KCNIP4: variants seen among roughly 807,000 people sequenced by gnomAD.
The protein encoded by KCNIP4 is potassium voltage-gated channel interacting protein 4.
Under a neutral mutation model 34.0 loss-of-function variants are expected in KCNIP4, and 12 were observed. That is an observed-to-expected ratio of 0.35 (90% CI 0.23 to 0.57). The LOEUF (loss-of-function observed/expected upper bound fraction) is 0.57, where lower values mean the gene tolerates loss of function less well. Among genes scored for constraint, KCNIP4 ranks in the 20% least tolerant of loss-of-function variants. The probability of loss-of-function intolerance (pLI) is 0.83; values close to 1 mark genes in which losing one functional copy is unlikely to be tolerated. For synonymous variants in KCNIP4, 124 were observed against 102.2 expected (o/e 1.21, Z -1.29); for missense variants, 238 against 311.7 (o/e 0.76, Z 1.78).
intron 1 of KCNIP4, among the ~76,000 whole-genome samples, chr4:21,391,387 C>T (rs2109515767): frequency 6.6e-6 from 1 of 152,246 alleles, no homozygotes; most frequent in East Asian, 1.9e-4. Context: ...GTTCAGCTAA[C>T]ATGGAAACCC....
intron 1 of KCNIP4, among the ~76,000 whole-genome samples, chr4:21,906,003 C>G (rs895888200): frequency 6.6e-6 from 1 of 152,100 alleles, no homozygotes; most frequent in Non-Finnish European, 1.5e-5. Context: ...CCACTCACTC[C>G]CAGTCAAATC....
At chr4:21,868,973 G>C (rs538159335) in intron 1 of KCNIP4, among the ~76,000 whole-genome samples, 1 of 152,310 alleles carries the variant, frequency 6.6e-6, no homozygotes, top group African/African-American at 2.4e-5. Flanking sequence ...ACCAGTAGAA[G>C]TTCCAAAATA....
intron 1 of KCNIP4, among the ~76,000 whole-genome samples, chr4:21,167,547 T>C (rs1056164961): frequency 1.3e-5 from 2 of 152,312 alleles, no homozygotes; most frequent in Admixed American, 6.5e-5. Context: ...ACATTTAACT[T>C]AAAAATTGTA....
chr4:20,730,242 A>C (rs543722560), intron 8 of KCNIP4, 113 bp from the exon 9 acceptor site: 1 of 1,313,536 alleles, frequency 7.6e-7, no homozygotes, highest in African/African-American at 1.5e-5. Flanking sequence ...ACCTATGCCA[A>C]AAGCTCAAAT....
intron 3 of KCNIP4, among the ~76,000 whole-genome samples, chr4:20,818,172 T>C (rs1192421379): frequency 1.3e-5 from 2 of 152,126 alleles, no homozygotes; most frequent in African/African-American, 4.8e-5. Context: ...AGATAGGAAA[T>C]TTGAGGTTCA....
chr4:21,472,417 T>C (rs973112755), intron 1 of KCNIP4, among the ~76,000 whole-genome samples: 3 of 152,144 alleles, frequency 2.0e-5, no homozygotes, highest in Admixed American at 2.0e-4. Flanking sequence ...ACCAATTTCA[T>C]TATGTTAATT....
chr4:21,520,657 C>A (rs752492851), intron 1 of KCNIP4, among the ~76,000 whole-genome samples: 3 of 152,122 alleles, frequency 2.0e-5, no homozygotes, highest in Non-Finnish European at 2.9e-5. Context: ...TATGAAGAAG[C>A]CCACAGAGGA....
At chr4:21,515,809 C>T (rs1473622419) in intron 1 of KCNIP4, among the ~76,000 whole-genome samples, 1 of 152,154 alleles carries the variant, frequency 6.6e-6, no homozygotes, top group African/African-American at 2.4e-5. Flanking sequence ...TCTGCTCTTC[C>T]ACCATGGGAT....
At chr4:21,429,083 A>G (rs1180793553) in intron 1 of KCNIP4, among the ~76,000 whole-genome samples, 1 of 152,204 alleles carries the variant, frequency 6.6e-6, no homozygotes, top group Non-Finnish European at 1.5e-5. Context: ...CTATTATAGT[A>G]TCATACAAAA....
At chr4:21,142,626 G>C (rs1454769165) in intron 1 of KCNIP4, among the ~76,000 whole-genome samples, 2 of 152,140 alleles carry the variant, frequency 1.3e-5, no homozygotes, top group Non-Finnish European at 2.9e-5. Flanking sequence ...TCTGAGGTCA[G>C]AGTTGCTATC....
At chr4:20,964,035 G>T (rs1194926647) in intron 1 of KCNIP4, among the ~76,000 whole-genome samples, 1 of 152,120 alleles carries the variant, frequency 6.6e-6, no homozygotes, top group East Asian at 1.9e-4. Flanking sequence ...TATAAAAATT[G>T]CTGAATATCA....
intron 6 of KCNIP4, 141 bp from the exon 7 acceptor site, chr4:20,732,926 G>A: frequency 1.7e-6 from 1 of 581,886 alleles, no homozygotes; most frequent in Non-Finnish European, 3.0e-6. Context: ...ACTGTTGGTT[G>A]TCCCAAAGGA....
chr4:21,017,935 A>G (rs999339915), intron 1 of KCNIP4, among the ~76,000 whole-genome samples: 9 of 152,196 alleles, frequency 5.9e-5, no homozygotes, highest in African/African-American at 2.2e-4. Context: ...CATTTCTCCA[A>G]TGATCAGTGC....
intron 1 of KCNIP4, among the ~76,000 whole-genome samples, chr4:20,911,284 A>G (rs1308060827): frequency 6.6e-6 from 1 of 152,216 alleles, no homozygotes; most frequent in African/African-American, 2.4e-5. Context: ...TTATTCAATA[A>G]GTGCCCAGTT....
chr4:21,797,021 T>C (rs1270041438), intron 1 of KCNIP4, among the ~76,000 whole-genome samples: 2 of 152,238 alleles, frequency 1.3e-5, no homozygotes, highest in Non-Finnish European at 2.9e-5. Flanking sequence ...TTTTGGTTTG[T>C]ATTTTCTACC....
chr4:21,408,140 C>A lies in KCNIP4; in HGVS notation c.62-525431G>T, dbSNP rs376059325. 2.6e-5 allele frequency among the ~76,000 whole-genome samples: 4 copies of A among 152,246 alleles called. No individual in the cohort carries two copies. In the East Asian group the frequency reaches 5.8e-4, roughly 22 times the overall value. ...TGGTCCATTTCAAAATCTTGTGCAA[C>A]TTTTTATATGTATTTTTAAACCAAA... On this transcript the variant is annotated intron_variant, in intron 1 of 8. Coordinates refer to ENST00000382152, the MANE Select transcript of KCNIP4 (RefSeq NM_025221.6).
At chr4:21,941,051 T>G (rs1730177176) in intron 1 of KCNIP4, among the ~76,000 whole-genome samples, 1 of 152,162 alleles carries the variant, frequency 6.6e-6, no homozygotes, top group African/African-American at 2.4e-5. Context: ...TAGTTTCTCA[T>G]GCTATCATAA....
At chr4:21,624,802 T>G (rs904791546) in intron 1 of KCNIP4, among the ~76,000 whole-genome samples, 1 of 152,160 alleles carries the variant, frequency 6.6e-6, no homozygotes, top group African/African-American at 2.4e-5. Flanking sequence ...ATGCCAACTT[T>G]CTATTTCACT....
chr4:21,002,813 T>C (rs147942061), intron 1 of KCNIP4, among the ~76,000 whole-genome samples: 50 of 152,312 alleles, frequency 3.3e-4, no homozygotes, highest in Middle Eastern at 3.4e-3. Context: ...GGAACATCAA[T>C]TGACAGAGAA....
Sources: allele counts gnomAD v4.1 joint callset (sites outside exome capture counted in the v4.1 genomes callset), GRCh38; gene constraint gnomAD v4.1.1; transcripts MANE v1.5; gene names NCBI Gene and HGNC (gene_info 2026-07-23, HGNC 2026-07-21).